ATP6V0D2: variants seen among roughly 807,000 people sequenced by gnomAD.
ATP6V0D2 encodes ATPase H+ transporting V0 subunit d2, also known as V-type proton ATPase subunit d 2.
A neutral mutation model predicts 40.0 loss-of-function variants in ATP6V0D2; 40 were observed. The observed-to-expected ratio is 1.00, with a 90% CI of 0.78 to 1.30. The LOEUF is 1.30. ATP6V0D2 is among the 50% of genes most tolerant of loss of function. The probability of loss-of-function intolerance (pLI) is 0.00; values close to 1 mark genes in which losing one functional copy is unlikely to be tolerated. For missense variants in ATP6V0D2, 470 were observed against 423.1 expected, an observed-to-expected ratio of 1.11 and a Z score of -0.97; for synonymous variants, 179 against 156.3, an observed-to-expected ratio of 1.15 and a Z score of -1.08.
chr8:86,145,888 A>G (rs978875610), intron 5 of ATP6V0D2, among the ~76,000 whole-genome samples: 5 of 152,240 alleles, frequency 3.3e-5, no homozygotes, highest in Non-Finnish European at 7.3e-5. Context: ...GCTAGATGCT[A>G]TCTTGAGTGC....
intron 2 of ATP6V0D2, among the ~76,000 whole-genome samples, chr8:86,128,869 C>T (rs912729211): frequency 6.6e-6 from 1 of 152,180 alleles, no homozygotes; most frequent in Non-Finnish European, 1.5e-5. Flanking sequence ...CACACCACAA[C>T]TGACATGATA....
rs1563567494 is a variant in ATP6V0D2, at chr8:86,149,067, AAAAAAAAAC to A, written c.640-1044_640-1036del. ...ATCTCCAAAGGAAGAAAAAAAAAAA[AAAAAAAAAC>A]CAATGAACAAGAAAGACATGGTTCT... On this transcript the variant is annotated intron_variant, in intron 5 of 7. Coordinates refer to ENST00000285393, the MANE Select transcript of ATP6V0D2 (RefSeq NM_152565.1). Among the ~76,000 whole-genome samples, 11 of 148,808 alleles carry A rather than the reference AAAAAAAAAC, an allele frequency of 7.4e-5. 1 individual carries two copies. The highest frequency in any genetic ancestry group is 3.3e-4 in the Admixed American group (5 of 14,980).
intron 3 of ATP6V0D2, among the ~76,000 whole-genome samples, chr8:86,141,105 T>C (rs2721254): frequency 0.45 from 67,688 of 151,908 alleles, 16,463 homozygotes; most frequent in Middle Eastern, 0.61. Context: ...GCTCAGGTGG[T>C]AATGCAAACA....
At position 86,105,613 on chromosome 8, in the gene ATP6V0D2, T is replaced by C. The variant is rs182959176; in HGVS notation, c.130+6505T>C. On this transcript the variant is annotated intron_variant, in intron 1 of 7. Transcript: ENST00000285393. ...GAGTGCCTAGCCTGTAAACTTCTTT[T>C]TTCTTTTCTTTTTTTTTTTTTTTGA... Among the ~76,000 whole-genome samples the C allele has an allele frequency of 5.7e-3, 668 of 117,062 alleles. 9 individuals carry two copies. Among genetic ancestry groups the C allele is most frequent in the African/African-American group, 0.019 (633 of 33,080 alleles). 76.8% of individuals were successfully genotyped at this position (117,062 alleles called of 152,430 possible).
chr8:86,131,624 C>T (rs1818826530), intron 2 of ATP6V0D2, among the ~76,000 whole-genome samples: 1 of 152,072 alleles, frequency 6.6e-6, no homozygotes, highest in African/African-American at 2.4e-5. Flanking sequence ...CCTCAGCCTC[C>T]CGAGTAGCTG....
At chr8:86,109,837 G>C (rs1818509336) in intron 1 of ATP6V0D2, among the ~76,000 whole-genome samples, 1 of 152,168 alleles carries the variant, frequency 6.6e-6, no homozygotes, top group South Asian at 2.1e-4. Flanking sequence ...ATCTACTCCA[G>C]ACACTGAGGA....
intron 1 of ATP6V0D2, among the ~76,000 whole-genome samples, chr8:86,104,577 G>T (rs1212576153): frequency 6.6e-6 from 1 of 152,022 alleles, no homozygotes; most frequent in African/African-American, 2.4e-5. Context: ...ACTGTGAAAG[G>T]ATTAAAAAGA....
chr8:86,148,554 A>C (rs998009094), intron 5 of ATP6V0D2, among the ~76,000 whole-genome samples: 1 of 152,202 alleles, frequency 6.6e-6, no homozygotes, highest in African/African-American at 2.4e-5. Flanking sequence ...TGGGAATCCT[A>C]TGAAAATGCA....
At chr8:86,143,016 T>A in intron 5 of ATP6V0D2, 62 bp downstream of exon 5, 1 of 1,184,018 alleles carries the variant, frequency 8.4e-7, no homozygotes, top group Non-Finnish European at 1.2e-6. Context: ...TTTATTGTTT[T>A]AACCTTACTT....
chr8:86,114,376 T>TA (rs1190770023), intron 2 of ATP6V0D2, among the ~76,000 whole-genome samples: 10 of 152,150 alleles, frequency 6.6e-5, no homozygotes, highest in African/African-American at 2.4e-4. Flanking sequence ...CTCCTCATTC[T>TA]ACAAAATATT....
intron 5 of ATP6V0D2, among the ~76,000 whole-genome samples, chr8:86,143,921 C>G (rs1248771861): frequency 6.6e-6 from 1 of 152,112 alleles, no homozygotes; most frequent in Non-Finnish European, 1.5e-5. Context: ...AACTTGGCAT[C>G]AAAAGTCCAC....
intron 5 of ATP6V0D2, among the ~76,000 whole-genome samples, chr8:86,144,188 A>C (rs1267894217): frequency 6.6e-6 from 1 of 152,230 alleles, no homozygotes; most frequent in Non-Finnish European, 1.5e-5. Context: ...GTTGACCTGC[A>C]TATGCATGGG....
chr8:86,141,436 A>C lies in ATP6V0D2; in HGVS notation c.482-14A>C. 1 of 1,604,938 alleles carries C rather than the reference A, an allele frequency of 6.2e-7. No individual in the cohort carries two copies. The highest frequency in any genetic ancestry group is 8.5e-7 in the Non-Finnish European group (1 of 1,175,318). On this transcript the variant is annotated splice_polypyrimidine_tract_variant and intron_variant, in intron 3 of 7. Coordinates refer to ENST00000285393, the MANE Select transcript of ATP6V0D2 (RefSeq NM_152565.1). ...TTAAGATTCATTTTTTGGTATGGCA[A>C]TTTCTGCTTTCAGCTCCATTCTTCC...
chr8:86,153,640 T>C lies in ATP6V0D2; in HGVS notation c.*663T>C, dbSNP rs1405988097. On this transcript the variant is annotated 3_prime_UTR_variant, in exon 8 of 8. Transcript: ENST00000285393. ...TCCCAAAGTGTTGGGATTACATGCA[T>C]GAGCCACTGTGCTGGGCTTCATTTA... 2 of 152,266 alleles carry C rather than the reference T, an allele frequency of 1.3e-5. No homozygotes were observed. Among genetic ancestry groups the C allele is most frequent in the Non-Finnish European group, 2.9e-5 (2 of 68,138 alleles). The allele number at this position is 152,266 out of a possible 1,614,324, so 9.4% of individuals were successfully genotyped here.
intron 2 of ATP6V0D2, among the ~76,000 whole-genome samples, chr8:86,129,994 A>AAAAAG (rs544993108): frequency 1.3e-5 from 2 of 151,022 alleles, no homozygotes; most frequent in African/African-American, 2.4e-5. Flanking sequence ...AAAAAAAAAA[A>AAAAAG]AAAAGAAAAG....
In ATP6V0D2 at chr8:86,116,027, G is replaced by A. The variant is rs531502647; in HGVS notation, c.302+2147G>A. On this transcript the variant is annotated intron_variant, in intron 2 of 7. Transcript: ENST00000285393. ...GCTCTTCTGTTTGGAATTTCACATCGCATCATACAATCTGAGGATCAATTT... is the reference window on the plus strand; with the variant it reads ...GCTCTTCTGTTTGGAATTTCACATCACATCATACAATCTGAGGATCAATTT... Among the ~76,000 whole-genome samples the A allele has an allele frequency of 7.9e-5, 12 of 152,164 alleles. No homozygotes were observed. The South Asian group carries it at 8.3e-4, about 11-fold the overall frequency.
intron 2 of ATP6V0D2, among the ~76,000 whole-genome samples, chr8:86,131,366 A>T (rs539858726): frequency 1.3e-5 from 2 of 151,652 alleles, no homozygotes; most frequent in South Asian, 4.2e-4. Context: ...CGCTCAGCTA[A>T]TTTTTGTATT....
At chr8:86,139,189 C>G (rs527834271) in intron 2 of ATP6V0D2, among the ~76,000 whole-genome samples, 1 of 147,476 alleles carries the variant, frequency 6.8e-6, no homozygotes, top group East Asian at 2.0e-4. Context: ...GATTGGGCCA[C>G]TGCACTCCAG....
At position 86,151,467 on chromosome 8, in the gene ATP6V0D2, T is replaced by C; in HGVS notation, c.818T>C (p.Val273Ala). 5 of 1,592,448 alleles carry C rather than the reference T, an allele frequency of 3.1e-6. No individual in the cohort carries two copies. Among genetic ancestry groups the C allele is most frequent in the Non-Finnish European group, 4.3e-6 (5 of 1,169,010 alleles). The change falls in exon 7 of 8, where the codon GTA (valine) becomes GCA (alanine). Residue 273 changes from valine to alanine, a missense_variant and splice_region_variant. Transcript: ENST00000285393. ...AAAATTAATGTCTTTGTTTTTAAGG[T>C]ATACAAACCTTTATTTGAAGCTGTA... ...QMKNVADHYG[V>A]YKPLFEAVGG...
Sources: allele counts gnomAD v4.1 joint callset (sites outside exome capture counted in the v4.1 genomes callset), GRCh38; gene constraint gnomAD v4.1.1; transcripts MANE v1.5; gene names NCBI Gene and HGNC (gene_info 2026-07-23, HGNC 2026-07-21).